CHRM3: variants seen among roughly 807,000 people sequenced by gnomAD.
CHRM3 encodes the protein muscarinic acetylcholine receptor M3.
Under a neutral mutation model 41.8 loss-of-function variants are expected in CHRM3, and 11 were observed. The ratio of observed to expected loss-of-function variants is 0.26; its 90% CI spans 0.17 to 0.44. The LOEUF (loss-of-function observed/expected upper bound fraction) is 0.44. Ranked by LOEUF, CHRM3 falls within the 20% of genes least tolerant of loss-of-function variation. The probability of loss-of-function intolerance (pLI) is 1.00; values close to 1 mark genes in which losing one functional copy is unlikely to be tolerated. For synonymous variants in CHRM3, 297 were observed against 301.4 expected, an observed-to-expected ratio of 0.99 and a Z score of 0.15; for missense variants, 571 against 745.4, an observed-to-expected ratio of 0.77 and a Z score of 2.72.
chr1:239,762,621 T>C (rs1464201582), intron 5 of CHRM3, among the ~76,000 whole-genome samples: 1 of 152,192 alleles, frequency 6.6e-6, no homozygotes, highest in East Asian at 1.9e-4. Flanking sequence ...TTCTGTATAA[T>C]TTTACCAGTG....
chr1:239,509,445 A>G (rs538532634), intron 2 of CHRM3, among the ~76,000 whole-genome samples: 33 of 152,330 alleles, frequency 2.2e-4, no homozygotes, highest in African/African-American at 5.1e-4. Context: ...ATGTGACTCC[A>G]GGATAATCTG....
At position 239,536,529 on chromosome 1, in the gene CHRM3, C is replaced by T. The variant is rs77830002; in HGVS notation, c.-421-9112C>T. On this transcript the variant is annotated intron_variant, in intron 2 of 6. Coordinates refer to ENST00000676153, the MANE Select transcript of CHRM3 (RefSeq NM_001375978.1). ...CCAAAACATACCATAGACACAGACA[C>T]GTGCATAACCAAGATATTAGTAAAC... Among the ~76,000 whole-genome samples the T allele has an allele frequency of 2.6e-3, 395 of 152,282 alleles. 2 individuals carry two copies. The highest frequency in any genetic ancestry group is 4.1e-3 in the Non-Finnish European group (277 of 68,018).
rs561945282 is a variant in CHRM3, at chr1:239,676,041, G to A, written c.-249-2145G>A. 5.3e-5 allele frequency among the ~76,000 whole-genome samples: 8 copies of A among 152,188 alleles called. No individual in the cohort carries two copies. The East Asian group carries it at 7.7e-4, about 15-fold the overall frequency. On this transcript the variant is annotated intron_variant, in intron 4 of 6. Transcript: ENST00000676153. ...TTGCATTTTTAAGCCTGCTTTCCCC[G>A]CATATCCATGCCCACTATCCCTGTT...
In CHRM3 at chr1:239,531,639, A is replaced by ATTTTTT. The variant is rs58433814; in HGVS notation, c.-421-13970_-421-13965dup. 2.9e-4 allele frequency among the ~76,000 whole-genome samples: 16 copies of ATTTTTT among 55,900 alleles called. 3 individuals carry two copies. The highest frequency in any genetic ancestry group is 1.1e-3 in the Admixed American group (4 of 3,756). The allele number at this position is 55,900 out of a possible 152,430, so 36.7% of individuals were successfully genotyped here. A position where few individuals can be genotyped will look rare whatever the true frequency, so the allele number is the denominator to read the frequency against. On this transcript the variant is annotated intron_variant, in intron 2 of 6. Coordinates refer to ENST00000676153, the MANE Select transcript of CHRM3 (RefSeq NM_001375978.1). ...ATAAAAACTAATCTCTCTAGAATGG[A>ATTTTTT]TTTTTTTTTTTTTTTTTTTTTTTTT...
intron 6 of CHRM3, among the ~76,000 whole-genome samples, chr1:239,854,252 C>T (rs1361261307): frequency 6.6e-6 from 1 of 151,996 alleles, no homozygotes; most frequent in Non-Finnish European, 1.5e-5. Flanking sequence ...TCTTTAGTCC[C>T]TCTGAAAATG....
chr1:239,496,326 T>A (rs2148100833), intron 2 of CHRM3, among the ~76,000 whole-genome samples: 1 of 152,244 alleles, frequency 6.6e-6, no homozygotes, highest in East Asian at 1.9e-4. Flanking sequence ...TCCACTCCTA[T>A]ACTTGCCAGT....
intron 3 of CHRM3, among the ~76,000 whole-genome samples, chr1:239,600,839 C>A (rs1355594863): frequency 6.6e-6 from 1 of 151,154 alleles, no homozygotes; most frequent in Non-Finnish European, 1.5e-5. Context: ...TTTCACATTG[C>A]ATGCATTCTT....
At chr1:239,627,193 G>T (rs1669065672) in intron 3 of CHRM3, among the ~76,000 whole-genome samples, 1 of 92,774 alleles carries the variant, frequency 1.1e-5, no homozygotes, top group Non-Finnish European at 2.1e-5. Context: ...CTCCTGTATT[G>T]GGTGCATAAA....
In CHRM3 at chr1:239,723,405, A is replaced by G. The variant is rs1663157078; in HGVS notation, c.-147+45117A>G. Reference sequence around the variant, plus strand: ...AAGGTTAACAATGTATATTATCTTAATAGAGATCACATGAATCAAATTATA... The same window carrying G: ...AAGGTTAACAATGTATATTATCTTAGTAGAGATCACATGAATCAAATTATA... On this transcript the variant is annotated intron_variant, in intron 5 of 6. Coordinates refer to ENST00000676153, the MANE Select transcript of CHRM3 (RefSeq NM_001375978.1). Among the ~76,000 whole-genome samples the G allele has an allele frequency of 2.0e-5, 3 of 151,968 alleles. No homozygotes were observed. The South Asian group carries it at 6.2e-4, about 31-fold the overall frequency.
rs562737469 is a variant in CHRM3 at position 239,795,252 on chromosome 1, T to C, written c.-146-32000T>C. On this transcript the variant is annotated intron_variant, in intron 5 of 6. Coordinates refer to ENST00000676153, the MANE Select transcript of CHRM3 (RefSeq NM_001375978.1). ...AGGTGGGGGATGATGGATATTTTTA[T>C]TGATGATATGTAAGTAATTTTACTA... 5.9e-5 allele frequency among the ~76,000 whole-genome samples: 9 copies of C among 152,288 alleles called. 1 individual carries two copies. The South Asian group carries it at 1.9e-3, about 32-fold the overall frequency.
intron 3 of CHRM3, among the ~76,000 whole-genome samples, chr1:239,579,524 G>A (rs544365196): frequency 2.0e-5 from 3 of 152,186 alleles, no homozygotes; most frequent in South Asian, 2.1e-4. Flanking sequence ...ACCTATAAAG[G>A]CAATTGACCT....
chr1:239,832,716 A>G (rs1672996096), intron 6 of CHRM3, among the ~76,000 whole-genome samples: 1 of 152,082 alleles, frequency 6.6e-6, no homozygotes, highest in Admixed American at 6.6e-5. Context: ...GTTTATATAC[A>G]GGATTAAAAA....
chr1:239,578,679 T>C (rs1276388815), intron 3 of CHRM3, among the ~76,000 whole-genome samples: 1 of 152,206 alleles, frequency 6.6e-6, no homozygotes, highest in Non-Finnish European at 1.5e-5. Context: ...TCCCAAAGTA[T>C]GTCCTCCATT....
At chr1:239,495,371 C>G (rs1346761031) in intron 2 of CHRM3, among the ~76,000 whole-genome samples, 1 of 152,176 alleles carries the variant, frequency 6.6e-6, no homozygotes, top group Non-Finnish European at 1.5e-5. Context: ...GGACCTCTTG[C>G]TTTATCTATC....
chr1:239,755,599 A>G (rs974044577), intron 5 of CHRM3, among the ~76,000 whole-genome samples: 9 of 152,234 alleles, frequency 5.9e-5, no homozygotes, highest in African/African-American at 1.7e-4. Flanking sequence ...GAAAAAGGGT[A>G]TGAAACATTA....
intron 5 of CHRM3, among the ~76,000 whole-genome samples, chr1:239,780,595 C>T (rs1213024776): frequency 6.6e-6 from 1 of 152,154 alleles, no homozygotes; most frequent in Non-Finnish European, 1.5e-5. Flanking sequence ...CAGTGTCTCT[C>T]ACAGAGAAGA....
At chr1:239,697,887 A>G (rs1302458287) in intron 5 of CHRM3, among the ~76,000 whole-genome samples, 2 of 152,196 alleles carry the variant, frequency 1.3e-5, no homozygotes, top group South Asian at 4.1e-4. Flanking sequence ...TCTTCAAAAA[A>G]TAAAAGTAAA....
intron 2 of CHRM3, among the ~76,000 whole-genome samples, chr1:239,537,707 T>C (rs1261907980): frequency 1.3e-5 from 2 of 152,230 alleles, no homozygotes; most frequent in African/African-American, 2.4e-5. Flanking sequence ...TTTGCTCTTA[T>C]GGTCACTTAG....
intron 5 of CHRM3, among the ~76,000 whole-genome samples, chr1:239,776,173 A>T (rs1228910763): frequency 6.6e-6 from 1 of 152,186 alleles, no homozygotes; most frequent in African/African-American, 2.4e-5. Context: ...TGCATAATAC[A>T]GTGGCTAAAA....
Sources: allele counts gnomAD v4.1 joint callset (sites outside exome capture counted in the v4.1 genomes callset), GRCh38; gene constraint gnomAD v4.1.1; transcripts MANE v1.5; gene names NCBI Gene and HGNC (gene_info 2026-07-23, HGNC 2026-07-21).